LHX4: variants seen among roughly 807,000 people sequenced by gnomAD.
LHX4 encodes the protein LIM homeobox 4.
LHX4 carries 16 observed loss-of-function variants against 39.2 expected under a neutral mutation model. The ratio of observed to expected loss-of-function variants is 0.41; its 90% CI spans 0.28 to 0.62. LHX4 has a LOEUF of 0.62. Among genes scored for constraint, LHX4 ranks in the 20% least tolerant of loss-of-function variants. The pLI is 0.33. For synonymous variants in LHX4, 206 were observed against 198.1 expected (o/e 1.04, Z -0.33); for missense variants, 439 against 511.9 (o/e 0.86, Z 1.37).
chr1:180,250,420 G>A (rs889264628), intron 2 of LHX4, among the ~76,000 whole-genome samples: 2 of 152,186 alleles, frequency 1.3e-5, no homozygotes, highest in East Asian at 1.9e-4. Context: ...GGCAGGAAGC[G>A]GCAGGTGGCA....
At position 180,266,449 on chromosome 1, in the gene LHX4, C is replaced by A; in HGVS notation, c.306C>A (p.Val102=). ...AGGGTATCCCCCCAACCCAGGTGGT[C>A]CGCAAGGCCCAGGACTTTGTCTACC... is the stretch of plus-strand genomic sequence containing the variant. ...CQQGIPPTQV[V]RKAQDFVYHL... is the part of the protein sequence containing the mutation. The change falls in exon 3 of 6, where the codon GTC becomes GTA. Residue 102 remains valine, a synonymous_variant. Transcript: ENST00000263726. This position sits in a 1 kb window ranked among gnomAD's most constrained non-coding sequence, Gnocchi z 5.7. 1 of 1,614,202 alleles carries A rather than the reference C, an allele frequency of 6.2e-7. No homozygotes were observed. Among genetic ancestry groups the A allele is most frequent in the South Asian group, 1.1e-5 (1 of 91,082 alleles).
chr1:180,254,383 G>T (rs1445150044), intron 2 of LHX4, among the ~76,000 whole-genome samples: 1 of 152,208 alleles, frequency 6.6e-6, no homozygotes, highest in Non-Finnish European at 1.5e-5. Flanking sequence ...TGCTCCCCGC[G>T]GTGCCCCTCC....
At chr1:180,261,923 C>T (rs1648128792) in intron 2 of LHX4, among the ~76,000 whole-genome samples, 2 of 152,166 alleles carry the variant, frequency 1.3e-5, no homozygotes, top group Admixed American at 6.5e-5. Flanking sequence ...ATTAACAGAT[C>T]AGAATGTTCA....
chr1:180,271,426 C>T lies in LHX4; in HGVS notation c.498C>T (p.Ala166=), dbSNP rs762313842. 5.0e-6 allele frequency: 8 copies of T among 1,614,070 alleles called. No individual in the cohort carries two copies. The Admixed American group carries it at 5.0e-5, about 10-fold the overall frequency. ...AGCGGCCCCGGACCACCATCACAGC[C>T]AAGCAGCTGGAGACATTAAAGAATG... is the stretch of plus-strand genomic sequence containing the variant. The part of the protein sequence containing the change: ...GAKRPRTTIT[A]KQLETLKNAY... Residue 166 remains alanine (A), a synonymous_variant, in exon 4 of 6, where the codon GCC becomes GCT. Transcript: ENST00000263726.
In LHX4 at chr1:180,272,026, C is replaced by G. The variant is rs771787597; in HGVS notation, c.778+20C>G. ...TCCGAGGTGAGCAGGGCTGGAGGGG[C>G]CAGGCCGAGGCCTTAGGAAAGTCCC... is the stretch of plus-strand genomic sequence containing the variant. On this transcript the variant is annotated intron_variant, in intron 5 of 5. Transcript: ENST00000263726. 1.9e-6 allele frequency: 3 copies of G among 1,605,706 alleles called. No individual in the cohort carries two copies. The highest frequency in any genetic ancestry group is 4.5e-5 in the East Asian group (2 of 44,734).
rs1295284407 is a variant in LHX4, at chr1:180,230,385, C to T, written c.-145C>T. 1.4e-6 allele frequency: 1 copy of T among 715,192 alleles called. No individual in the cohort carries two copies. The highest frequency in any genetic ancestry group is 1.6e-5 in the South Asian group (1 of 64,426). The allele number at this position is 715,192 out of a possible 1,614,324, so 44.3% of individuals were successfully genotyped here. A position where few individuals can be genotyped will look rare whatever the true frequency, so the allele number is the denominator to read the frequency against. On this transcript the variant is annotated 5_prime_UTR_variant, in exon 1 of 6. Transcript: ENST00000263726. This position sits in a 1 kb window ranked among gnomAD's most constrained non-coding sequence, Gnocchi z 5.8. ...GGGGCCGGCCAGCCTGTGGAGTCCT[C>T]CCTGAGAAGCGGAGGGCCCGGCTTC...
rs990474924 is a variant in LHX4 at position 180,276,634 on chromosome 1, A to T, written c.*2055A>T. On this transcript the variant is annotated 3_prime_UTR_variant, in exon 6 of 6. Coordinates refer to ENST00000263726, the MANE Select transcript of LHX4 (RefSeq NM_033343.4). ...GAAAATGCAGTCGTCTTTTTGGAGG[A>T]TGGCTTTTTAAATACACCCTTCTTA... 6.6e-6 allele frequency: 1 copy of T among 152,202 alleles called. No individual in the cohort carries two copies. Among genetic ancestry groups the T allele is most frequent in the Non-Finnish European group, 1.5e-5 (1 of 68,052 alleles). 9.4% of individuals were successfully genotyped at this position (152,202 alleles called of 1,614,324 possible).
At position 180,278,853 on chromosome 1, in the gene LHX4, C is replaced by T. The variant is rs1352997258; in HGVS notation, c.*4274C>T. 3 of 151,986 alleles carry T rather than the reference C, an allele frequency of 2.0e-5. No individual in the cohort carries two copies. The highest frequency in any genetic ancestry group is 7.3e-5 in the African/African-American group (3 of 41,362). The allele number at this position is 151,986 out of a possible 1,614,324, so 9.4% of individuals were successfully genotyped here. A position where few individuals can be genotyped will look rare whatever the true frequency, so the allele number is the denominator to read the frequency against. ...AAGAAAAAAAGAAAAAAAAAAGACC[C>T]ACCCATCCTTATTTATTGCCATATG... is the stretch of plus-strand genomic sequence containing the variant. On this transcript the variant is annotated 3_prime_UTR_variant, in exon 6 of 6. Transcript: ENST00000263726.
chr1:180,271,328 C>T lies in LHX4; in HGVS notation c.452-52C>T, dbSNP rs558399840. ...ATGGAAGGGAGGGTGTGGGAGGAGG[C>T]GCAGCTGCTGCAGATAGGCCGAAGC... is the stretch of plus-strand genomic sequence containing the variant. On this transcript the variant is annotated intron_variant, in intron 3 of 5. Transcript: ENST00000263726. 224 of 1,604,448 alleles carry T rather than the reference C, an allele frequency of 1.4e-4. 4 individuals are homozygous for T. In the South Asian group the frequency reaches 2.4e-3, roughly 17 times the overall value.
At chr1:180,258,345 G>A (rs1033484811) in intron 2 of LHX4, among the ~76,000 whole-genome samples, 2 of 152,210 alleles carry the variant, frequency 1.3e-5, no homozygotes, top group Non-Finnish European at 2.9e-5. Context: ...GAGGCGGAGT[G>A]GACTGGGCAG....
At chr1:180,269,140 TGG>T (rs34208363) in intron 3 of LHX4, among the ~76,000 whole-genome samples, 61,438 of 151,300 alleles carry the variant, frequency 0.41, 14,280 homozygotes, top group South Asian at 0.58. Context: ...GTAGAGTGTG[TGG>T]GGGGGGGGGT....
rs561496890 is a variant in LHX4 at position 180,247,494 on chromosome 1, G to A, written c.77-791G>A. Among the ~76,000 whole-genome samples the A allele has an allele frequency of 4.6e-5, 7 of 152,236 alleles. No individual in the cohort carries two copies. In the East Asian group the frequency reaches 9.7e-4, roughly 21 times the overall value. ...AGCACTTCATCGCCTCCGCCGTGAC[G>A]CACACCAGCACAATGGGAGCCTGCC... On this transcript the variant is annotated intron_variant, in intron 1 of 5. Coordinates refer to ENST00000263726, the MANE Select transcript of LHX4 (RefSeq NM_033343.4).
At chr1:180,271,266 G>A in intron 3 of LHX4, 114 bp from the exon 4 acceptor site, 2 of 1,194,944 alleles carry the variant, frequency 1.7e-6, no homozygotes, top group Non-Finnish European at 2.5e-6. Context: ...GCCTCGCGCT[G>A]TCCTGCCTAC....
intron 2 of LHX4, among the ~76,000 whole-genome samples, chr1:180,259,066 G>A (rs1163147749): frequency 1.3e-5 from 2 of 152,196 alleles, no homozygotes; most frequent in African/African-American, 2.4e-5. Flanking sequence ...GAGCCCAGGG[G>A]TCTGGGCTGG....
At chr1:180,268,480 CG>C (rs775986338) in intron 3 of LHX4, among the ~76,000 whole-genome samples, 3 of 152,184 alleles carry the variant, frequency 2.0e-5, no homozygotes, top group Non-Finnish European at 4.4e-5. Context: ...TGGAAGATGC[CG>C]GACTTGCTGT....
intron 1 of LHX4, among the ~76,000 whole-genome samples, chr1:180,235,773 G>T (rs1317300209): frequency 6.6e-6 from 1 of 152,194 alleles, no homozygotes; most frequent in African/African-American, 2.4e-5. Flanking sequence ...CGCCGGGGAA[G>T]GCGAGGTGGC....
intron 1 of LHX4, among the ~76,000 whole-genome samples, chr1:180,239,570 C>T (rs2149253670): frequency 6.6e-6 from 1 of 152,308 alleles, no homozygotes; most frequent in Middle Eastern, 3.4e-3. Flanking sequence ...GGAGGGAAAT[C>T]ACCAGCAAAA....
rs1174766617 is a variant in LHX4, at chr1:180,276,710, A to G, written c.*2131A>G. ...AAAAGGCTCTGCTGGGCAATGAACC[A>G]GATGAAAAGCTGCCCACCCAGATCA... On this transcript the variant is annotated 3_prime_UTR_variant, in exon 6 of 6. Transcript: ENST00000263726. 6.6e-6 allele frequency: 1 copy of G among 152,198 alleles called. No homozygotes were observed. Among genetic ancestry groups the G allele is most frequent in the Non-Finnish European group, 1.5e-5 (1 of 68,038 alleles). The allele number at this position is 152,198 out of a possible 1,614,324, so 9.4% of individuals were successfully genotyped here.
intron 2 of LHX4, among the ~76,000 whole-genome samples, chr1:180,250,686 GC>G (rs1216956251): frequency 6.6e-6 from 1 of 152,186 alleles, no homozygotes; most frequent in East Asian, 1.9e-4. Flanking sequence ...TCGCCAGAGG[GC>G]TGCCTTGGAC....
Sources: allele counts gnomAD v4.1 joint callset (sites outside exome capture counted in the v4.1 genomes callset), GRCh38; gene constraint gnomAD v4.1.1; non-coding constraint Gnocchi (gnomAD v3.1); transcripts MANE v1.5; gene names NCBI Gene and HGNC (gene_info 2026-07-23, HGNC 2026-07-21).